CEPT1: variants seen among roughly 807,000 people sequenced by gnomAD.
The protein encoded by CEPT1 is choline/ethanolaminephosphotransferase 1.
A neutral mutation model predicts 42.6 loss-of-function variants in CEPT1; 7 were observed. The ratio of observed to expected loss-of-function variants is 0.16; its 90% CI spans 0.09 to 0.31. The LOEUF (loss-of-function observed/expected upper bound fraction) is 0.31. CEPT1 is among the 10% of genes least tolerant of loss of function. The probability of loss-of-function intolerance (pLI) is 1.00; values close to 1 mark genes in which losing one functional copy is unlikely to be tolerated. For missense variants in CEPT1, 306 were observed against 502.1 expected, an observed-to-expected ratio of 0.61 and a Z score of 3.73; for synonymous variants, 171 against 171.9, an observed-to-expected ratio of 0.99 and a Z score of 0.04.
At chr1:111,151,915 A>G (rs560418399) in intron 2 of CEPT1, among the ~76,000 whole-genome samples, 27 of 152,264 alleles carry the variant, frequency 1.8e-4, no homozygotes, top group African/African-American at 6.5e-4. Context: ...GTAAACCAAG[A>G]TATATAGGGT....
At chr1:111,154,115 A>AG (rs1655428229) in intron 2 of CEPT1, among the ~76,000 whole-genome samples, 2 of 151,530 alleles carry the variant, frequency 1.3e-5, no homozygotes, top group South Asian at 4.1e-4. Context: ...TGTCCTCCTC[A>AG]GTTTCTTTTA....
chr1:111,176,250 A>T (rs573244032), intron 5 of CEPT1, among the ~76,000 whole-genome samples: 1 of 152,254 alleles, frequency 6.6e-6, no homozygotes, highest in South Asian at 2.1e-4. Context: ...TTTTGAGACT[A>T]ATGTGTAGGA....
At chr1:111,182,564 G>A in intron 6 of CEPT1, 1 of 570,682 alleles carries the variant, frequency 1.8e-6, no homozygotes, top group South Asian at 2.6e-5. Flanking sequence ...TAAAGTATGA[G>A]CTGCTTTGTA....
chr1:111,174,572 AT>A (rs35283206), intron 4 of CEPT1, among the ~76,000 whole-genome samples: 27,126 of 144,956 alleles, frequency 0.19, 2,563 homozygotes, highest in Middle Eastern at 0.29. Context: ...TACCTCCTCA[AT>A]TTTTTTTTTT....
At chr1:111,163,031 A>G (rs994120261) in intron 4 of CEPT1, among the ~76,000 whole-genome samples, 3 of 152,094 alleles carry the variant, frequency 2.0e-5, no homozygotes, top group Admixed American at 2.0e-4. Context: ...AAAAGAGGGA[A>G]TGATTTATAG....
At chr1:111,143,896 T>C (rs1654805640) in intron 1 of CEPT1, among the ~76,000 whole-genome samples, 1 of 152,068 alleles carries the variant, frequency 6.6e-6, no homozygotes, top group Non-Finnish European at 1.5e-5. Context: ...GCCAGCATGC[T>C]AAGCTAATTT....
At chr1:111,141,808 C>G (rs1194602055) in intron 1 of CEPT1, among the ~76,000 whole-genome samples, 1 of 152,040 alleles carries the variant, frequency 6.6e-6, no homozygotes, top group African/African-American at 2.4e-5. Context: ...TATTAGTTTT[C>G]TTTTTCTTTT....
chr1:111,172,428 C>T (rs1342346174), intron 4 of CEPT1, among the ~76,000 whole-genome samples: 1 of 151,848 alleles, frequency 6.6e-6, no homozygotes, highest in Non-Finnish European at 1.5e-5. Context: ...AAATCCCTGC[C>T]CTTATATAAT....
rs1363654455 is a variant in CEPT1 at position 111,182,940 on chromosome 1, A to G, written c.988A>G (p.Ile330Val). 6 of 1,612,932 alleles carry G rather than the reference A, an allele frequency of 3.7e-6. No individual in the cohort carries two copies. Among genetic ancestry groups the G allele is most frequent in the Non-Finnish European group, 5.1e-6 (6 of 1,179,470 alleles). Residue 330 changes from isoleucine (I) to valine (V), a missense_variant, in exon 7 of 9, where the codon ATC (isoleucine) becomes GTC (valine). Around this residue, in one of 2 missense-constraint regions of CEPT1, gnomAD observed 253 missense variants for 447.3 expected, o/e 0.57. Coordinates refer to ENST00000357172, the MANE Select transcript of CEPT1 (RefSeq NM_006090.5). ...ILTFGFVSAKITNKLVVAHMT... is the reference protein window; with the variant it reads ...ILTFGFVSAKVTNKLVVAHMT... ...GACATTTGGTTTTGTGTCTGCTAAA[A>G]TCACTAATAAGCTTGTGGTAAGCAC...
chr1:111,178,567 C>T (rs1457204997), intron 5 of CEPT1: 1 of 151,474 alleles, frequency 6.6e-6, no homozygotes, highest in African/African-American at 2.4e-5. Flanking sequence ...TGTTGCTTCC[C>T]CAAAAGACAT....
rs147170731 is a variant in CEPT1 at position 111,178,045 on chromosome 1, G to A, written c.714+3082G>A. ...TATATTATTTTTTTCTTTTTACTTA[G>A]CATTAAGGGTTCATTACTGAATATG... On this transcript the variant is annotated intron_variant, in intron 5 of 8. Coordinates refer to ENST00000357172, the MANE Select transcript of CEPT1 (RefSeq NM_006090.5). Among the ~76,000 whole-genome samples, 118 of 152,030 alleles carry A rather than the reference G, an allele frequency of 7.8e-4. 1 individual carries two copies. The highest frequency in any genetic ancestry group is 2.6e-3 in the African/African-American group (108 of 41,448).
intron 4 of CEPT1, among the ~76,000 whole-genome samples, chr1:111,168,589 C>T (rs1392129702): frequency 6.6e-6 from 1 of 151,676 alleles, no homozygotes; most frequent in African/African-American, 2.4e-5. Flanking sequence ...CCCAGGTTCA[C>T]GCCATTCTCC....
chr1:111,156,969 T>C (rs528271492), intron 2 of CEPT1, among the ~76,000 whole-genome samples: 1 of 152,308 alleles, frequency 6.6e-6, no homozygotes, highest in South Asian at 2.1e-4. Context: ...CCCATACACT[T>C]ATCAGGACAT....
chr1:111,158,902 CTTTTTTTTTTTT>C (rs149230078), intron 2 of CEPT1, among the ~76,000 whole-genome samples: 23 of 55,458 alleles, frequency 4.1e-4, no homozygotes, highest in Admixed American at 1.5e-3. Context: ...TTTTACAATT[CTTTTTTTTTTTT>C]TTTTTTTTTT....
Position 111,147,807 on chromosome 1 carries a change from A to G in CEPT1, c.93A>G (p.Val31=). ...GFGHMSTTGC[V]LNKLFQLPTP... ...GGCATATGAGTACTACAGGATGTGTATTAAATAAATTGTTTCAGTTACCAA... is the reference window on the plus strand; with the variant it reads ...GGCATATGAGTACTACAGGATGTGTGTTAAATAAATTGTTTCAGTTACCAA... Residue 31 remains valine (V), a synonymous_variant, in exon 2 of 9, where the codon GTA becomes GTG. Coordinates refer to ENST00000357172, the MANE Select transcript of CEPT1 (RefSeq NM_006090.5). 6.2e-7 allele frequency: 1 copy of G among 1,614,122 alleles called. No individual in the cohort carries two copies. Among genetic ancestry groups the G allele is most frequent in the Non-Finnish European group, 8.5e-7 (1 of 1,180,004 alleles).
chr1:111,178,909 C>T (rs1314595384), intron 5 of CEPT1: 2 of 152,092 alleles, frequency 1.3e-5, no homozygotes, highest in Non-Finnish European at 2.9e-5. Flanking sequence ...TTAAATAATT[C>T]TGATAGGGTG....
chr1:111,173,004 A>G (rs1008711465), intron 4 of CEPT1: 1 of 152,224 alleles, frequency 6.6e-6, no homozygotes, highest in Admixed American at 6.5e-5. Context: ...AAGATCTTTT[A>G]TGTTTCCTGT....
At chr1:111,166,992 C>T (rs1228140179) in intron 4 of CEPT1, 2 of 271,526 alleles carry the variant, frequency 7.4e-6, no homozygotes, top group Non-Finnish European at 1.1e-5. Flanking sequence ...CTTTAGGTGT[C>T]TTTGCAAGAA....
intron 5 of CEPT1, chr1:111,179,616 A>G (rs1361107759): frequency 6.6e-6 from 1 of 152,118 alleles, no homozygotes; most frequent in Non-Finnish European, 1.5e-5. Flanking sequence ...AGTAGTGCCA[A>G]TTTTTAAAGG....
Sources: allele counts gnomAD v4.1 joint callset (sites outside exome capture counted in the v4.1 genomes callset), GRCh38; gene constraint gnomAD v4.1.1; regional missense constraint gnomAD v4.1.1; transcripts MANE v1.5; gene names NCBI Gene and HGNC (gene_info 2026-07-23, HGNC 2026-07-21).